Variants in SGIP1 observed in about 807,000 individuals in gnomAD.
SGIP1 encodes SH3-containing GRB2-like protein 3-interacting protein 1.
SGIP1 carries 38 observed loss-of-function variants against 107.5 expected under a neutral mutation model. The ratio of observed to expected loss-of-function variants is 0.35; its 90% CI spans 0.27 to 0.46. SGIP1 has a LOEUF of 0.46. SGIP1 is among the 20% of genes least tolerant of loss of function. The probability of loss-of-function intolerance (pLI) is 1.00; values close to 1 mark genes in which losing one functional copy is unlikely to be tolerated. For synonymous variants in SGIP1, 365 were observed against 366.1 expected (o/e 1.00, Z 0.03); for missense variants, 929 against 1,019.5 (o/e 0.91, Z 1.21).
At chr1:66,559,582 C>T (rs547051600) in intron 1 of SGIP1, among the ~76,000 whole-genome samples, 12 of 152,140 alleles carry the variant, frequency 7.9e-5, no homozygotes, top group South Asian at 4.1e-4. Context: ...TACATGGCTC[C>T]GCAATGTCTT....
At chr1:66,637,885 A>G (rs1297779444) in intron 4 of SGIP1, among the ~76,000 whole-genome samples, 1 of 151,136 alleles carries the variant, frequency 6.6e-6, no homozygotes, top group Non-Finnish European at 1.5e-5. Context: ...ATATATATAT[A>G]TATAAACTGT....
intron 21 of SGIP1, among the ~76,000 whole-genome samples, chr1:66,738,182 A>G (rs542123172): frequency 6.6e-6 from 1 of 152,312 alleles, no homozygotes; most frequent in African/African-American, 2.4e-5. Flanking sequence ...TTAAATTGTC[A>G]TCAAAAGCCA....
chr1:66,600,703 C>T (rs2065632393), intron 1 of SGIP1, among the ~76,000 whole-genome samples: 1 of 152,094 alleles, frequency 6.6e-6, no homozygotes, highest in Non-Finnish European at 1.5e-5. Flanking sequence ...ACCAGTAAAG[C>T]CAGTGGGTAG....
chr1:66,540,072 A>G (rs904640277), intron 1 of SGIP1, among the ~76,000 whole-genome samples: 12 of 152,220 alleles, frequency 7.9e-5, no homozygotes, highest in African/African-American at 2.9e-4. Flanking sequence ...ACTATTCATT[A>G]TTAGGTATTA....
At chr1:66,741,196 T>C in intron 23 of SGIP1, 76 bp from the exon 24 acceptor site, 1 of 1,437,628 alleles carries the variant, frequency 7.0e-7, no homozygotes, top group Non-Finnish European at 9.2e-7. Flanking sequence ...GTACGTTAAC[T>C]TTTGAATGCA....
Position 66,739,447 on chromosome 1 carries a change from C to T in SGIP1, c.2144C>T (p.Thr715Met), listed in dbSNP as rs546225329. 12 of 1,614,062 alleles carry T rather than the reference C, an allele frequency of 7.4e-6. No individual in the cohort carries two copies. The highest frequency in any genetic ancestry group is 2.7e-5 in the African/African-American group (2 of 74,922). Reference protein sequence around the residue: ...IDYKYNTDAMTTAVALNNVQF... With the variant: ...IDYKYNTDAMMTAVALNNVQF... ...TACAAATATAATACAGATGCAATGA[C>T]GACTGCTGTGGCCCTCAACAATGTG... is the stretch of plus-strand genomic sequence containing the variant. The change falls in exon 22 of 25, where the codon ACG becomes ATG. Residue 715 changes from threonine (T) to methionine (M), a missense_variant. By Grantham distance (81) the Thr-to-Met change is moderately conservative. Coordinates refer to ENST00000371037, the MANE Select transcript of SGIP1 (RefSeq NM_032291.4).
rs139647391 is a variant in SGIP1 at position 66,555,969 on chromosome 1, C to T, written c.10+21601C>T. Reference sequence around the variant, plus strand: ...CATGGTTAAGCCAGGATTTGAACCCCGCGATTCTGGCTACAGATGTGCAAT... The same window carrying T: ...CATGGTTAAGCCAGGATTTGAACCCTGCGATTCTGGCTACAGATGTGCAAT... On this transcript the variant is annotated intron_variant, in intron 1 of 24. Coordinates refer to ENST00000371037, the MANE Select transcript of SGIP1 (RefSeq NM_032291.4). 7.8e-4 allele frequency among the ~76,000 whole-genome samples: 119 copies of T among 152,202 alleles called. 1 individual carries two copies. The highest frequency in any genetic ancestry group is 2.4e-3 in the African/African-American group (100 of 41,550).
intron 1 of SGIP1, chr1:66,616,197 T>C (rs2069259205): frequency 6.6e-6 from 1 of 152,240 alleles, no homozygotes; most frequent in Non-Finnish European, 1.5e-5. Flanking sequence ...TTTGGTTTTG[T>C]TATTATTGCT....
intron 1 of SGIP1, among the ~76,000 whole-genome samples, chr1:66,586,711 T>C (rs2062681823): frequency 6.6e-6 from 1 of 152,142 alleles, no homozygotes; most frequent in Non-Finnish European, 1.5e-5. Flanking sequence ...AAAAATAATT[T>C]ATAAAGCTCA....
At chr1:66,682,461 C>T (rs771855189) in intron 15 of SGIP1, 92 bp downstream of exon 15, 6 of 1,465,142 alleles carry the variant, frequency 4.1e-6, no homozygotes, top group Middle Eastern at 5.1e-4. Context: ...TGGCAGCTGG[C>T]TTCAGAGCTT....
intron 15 of SGIP1, among the ~76,000 whole-genome samples, chr1:66,685,698 T>C (rs554018163): frequency 9.2e-5 from 14 of 152,244 alleles, no homozygotes; most frequent in Non-Finnish European, 8.8e-5. Flanking sequence ...AATACAGTAG[T>C]ACCTAGCCGC....
intron 3 of SGIP1, among the ~76,000 whole-genome samples, chr1:66,635,123 C>T (rs943530235): frequency 1.3e-5 from 2 of 152,230 alleles, no homozygotes; most frequent in African/African-American, 4.8e-5. Flanking sequence ...TAAACACAAG[C>T]TTTAATGTAC....
intron 18 of SGIP1, among the ~76,000 whole-genome samples, chr1:66,712,453 G>A (rs1439535071): frequency 2.0e-5 from 3 of 152,114 alleles, no homozygotes; most frequent in South Asian, 2.1e-4. Context: ...CATGATTGGC[G>A]GAAGTGCATA....
intron 21 of SGIP1, among the ~76,000 whole-genome samples, chr1:66,737,791 T>G (rs1320092972): frequency 5.3e-5 from 8 of 152,224 alleles, no homozygotes; most frequent in African/African-American, 1.9e-4. Flanking sequence ...GAGGAATCCC[T>G]TTTGCTGTTG....
intron 7 of SGIP1, among the ~76,000 whole-genome samples, chr1:66,647,849 T>C (rs551053890): frequency 6.6e-6 from 1 of 152,320 alleles, no homozygotes; most frequent in Non-Finnish European, 1.5e-5. Context: ...ATATGTAATT[T>C]TGTCCTTGAT....
chr1:66,638,197 A>T (rs2076152265), intron 4 of SGIP1, among the ~76,000 whole-genome samples: 1 of 152,188 alleles, frequency 6.6e-6, no homozygotes, highest in Non-Finnish European at 1.5e-5. Flanking sequence ...CTGGTAAAGC[A>T]GAAATTAAAA....
intron 19 of SGIP1, among the ~76,000 whole-genome samples, chr1:66,726,158 T>C (rs1292778691): frequency 1.3e-5 from 2 of 152,206 alleles, no homozygotes; most frequent in East Asian, 3.8e-4. Context: ...ACGTAAGCCT[T>C]GTGCATTGCA....
At chr1:66,732,162 A>G (rs929448055) in intron 20 of SGIP1, among the ~76,000 whole-genome samples, 2 of 152,216 alleles carry the variant, frequency 1.3e-5, no homozygotes, top group Non-Finnish European at 2.9e-5. Context: ...TCTACTTAGT[A>G]CAAATTAATG....
At chr1:66,621,701 G>A (rs973623216) in intron 1 of SGIP1, among the ~76,000 whole-genome samples, 3 of 152,240 alleles carry the variant, frequency 2.0e-5, no homozygotes, top group African/African-American at 4.8e-5. Flanking sequence ...CACGTAATAC[G>A]TGGCTCTTTG....
Sources: gnomAD v4.1 joint callset for allele counts (sites outside exome capture counted in the v4.1 genomes callset) on GRCh38, gnomAD v4.1.1 for gene constraint, MANE v1.5 for transcripts, NCBI Gene and HGNC (gene_info 2026-07-23, HGNC 2026-07-21) for gene names.